The following RBFOX3 variants were observed in gnomAD, a reference collection of about 807,000 sequenced individuals.
RBFOX3 encodes the protein RNA binding protein fox-1 homolog 3.
Under a neutral mutation model 48.7 loss-of-function variants are expected in RBFOX3, and 17 were observed. That is an observed-to-expected ratio of 0.35 (90% confidence interval 0.24 to 0.52). The LOEUF is 0.52. Ranked by LOEUF, RBFOX3 falls within the 20% of genes least tolerant of loss-of-function variation. The pLI, the probability that RBFOX3 is intolerant of heterozygous loss-of-function variation, is 0.94. For synonymous variants in RBFOX3, 212 were observed against 209.5 expected (o/e 1.01, Z -0.10); for missense variants, 382 against 497.5 (o/e 0.77, Z 2.21).
chr17:79,376,669 G>C (rs73425308), intron 2 of RBFOX3, among the ~76,000 whole-genome samples: 1 of 152,144 alleles, frequency 6.6e-6, no homozygotes, highest in African/African-American at 2.4e-5. Flanking sequence ...AGCCAGGGCC[G>C]CACGGGGGCT....
intron 1 of RBFOX3, among the ~76,000 whole-genome samples, chr17:79,545,439 A>G (rs1480556038): frequency 6.6e-6 from 1 of 152,046 alleles, no homozygotes; most frequent in Non-Finnish European, 1.5e-5. Context: ...ACCGGCGACC[A>G]CCCCATGCCC....
chr17:79,101,225 C>G (rs908111468), intron 9 of RBFOX3, among the ~76,000 whole-genome samples: 3 of 152,200 alleles, frequency 2.0e-5, no homozygotes, highest in African/African-American at 7.2e-5. Flanking sequence ...AGCACAGAAG[C>G]CTTCAAACTC....
intron 2 of RBFOX3, among the ~76,000 whole-genome samples, chr17:79,344,001 A>G (rs1358285530): frequency 6.6e-6 from 1 of 152,196 alleles, no homozygotes; most frequent in African/African-American, 2.4e-5. Context: ...GAGAGATGCC[A>G]GGAAGATGCC....
chr17:79,340,985 G>A (rs972158929), intron 2 of RBFOX3, among the ~76,000 whole-genome samples: 2 of 152,246 alleles, frequency 1.3e-5, no homozygotes, highest in Admixed American at 6.5e-5. Flanking sequence ...ACACCTGCAA[G>A]TCAAGCTCTG....
chr17:79,555,886 G>C (rs2091717442), intron 1 of RBFOX3, among the ~76,000 whole-genome samples: 1 of 152,076 alleles, frequency 6.6e-6, no homozygotes, highest in South Asian at 2.1e-4. Flanking sequence ...GGTGGTGGTA[G>C]AAGGCAGTGG....
chr17:79,563,876 G>A (rs2092351786), intron 1 of RBFOX3, among the ~76,000 whole-genome samples: 1 of 152,192 alleles, frequency 6.6e-6, no homozygotes, highest in East Asian at 1.9e-4. Context: ...AGTTGAGGAA[G>A]TTCTCCCATG....
At chr17:79,655,655 T>C in the RBFOX3 span, among the ~76,000 whole-genome samples, 37,355 of 152,042 alleles carry the variant, frequency 0.25, 5,497 homozygotes, top group East Asian at 0.4. Context: ...TGTGTGAGAA[T>C]GAAGTACAGC....
At chr17:79,094,943 C>T (rs1049745129) in intron 13 of RBFOX3, among the ~76,000 whole-genome samples, 2 of 152,130 alleles carry the variant, frequency 1.3e-5, no homozygotes, top group African/African-American at 4.8e-5. Context: ...GGAACACTGC[C>T]CCCAAGAATG....
intron 1 of RBFOX3, among the ~76,000 whole-genome samples, chr17:79,486,196 C>T (rs2079569416): frequency 6.6e-6 from 1 of 152,144 alleles, no homozygotes; most frequent in Non-Finnish European, 1.5e-5. Flanking sequence ...TAGTTGGGGG[C>T]TGGGCTGGGC....
chr17:79,339,759 C>T (rs575682785), intron 2 of RBFOX3, among the ~76,000 whole-genome samples: 1 of 152,346 alleles, frequency 6.6e-6, no homozygotes, highest in South Asian at 2.1e-4. Context: ...CATTTTGGTC[C>T]TAACCTTAGA....
At chr17:79,213,707 G>A (rs991706020) in intron 4 of RBFOX3, among the ~76,000 whole-genome samples, 2 of 152,282 alleles carry the variant, frequency 1.3e-5, no homozygotes, top group Admixed American at 6.5e-5. Flanking sequence ...GTATCCACTC[G>A]GCACCGCCAA....
chr17:79,611,132 CT>C (rs1208056089), upstream of RBFOX3, among the ~76,000 whole-genome samples: 1 of 19,070 alleles, frequency 5.2e-5, no homozygotes, highest in Non-Finnish European at 1.5e-4. Flanking sequence ...CGCCCTCCTT[CT>C]CTCTCTCTCT....
intron 2 of RBFOX3, among the ~76,000 whole-genome samples, chr17:79,339,321 G>A (rs1321284463): frequency 6.6e-6 from 1 of 152,284 alleles, no homozygotes; most frequent in African/African-American, 2.4e-5. Context: ...CTCCCAAAGC[G>A]CTGGGGTTAC....
Position 79,132,199 on chromosome 17 carries a change from C to G in RBFOX3, c.-33-16451G>C, listed in dbSNP as rs545421167. 3.1e-4 allele frequency among the ~76,000 whole-genome samples: 44 copies of G among 142,940 alleles called. 1 individual carries two copies. The South Asian group carries it at 0.011, about 34-fold the overall frequency. 93.8% of individuals were successfully genotyped at this position (142,940 alleles called of 152,430 possible). On this transcript the variant is annotated intron_variant, in intron 4 of 14. Transcript: ENST00000693108. Reference sequence around the variant, plus strand: ...GGGTGAGGGGGCTTGAGGCTGCTGGCCAGCTGGGGCTGAGGTCAGACTCAG... The same window carrying G: ...GGGTGAGGGGGCTTGAGGCTGCTGGGCAGCTGGGGCTGAGGTCAGACTCAG...
intron 1 of RBFOX3, among the ~76,000 whole-genome samples, chr17:79,529,510 G>A (rs1201278409): frequency 2.6e-5 from 4 of 152,218 alleles, no homozygotes; most frequent in African/African-American, 4.8e-5. Context: ...AAGTGGGGGC[G>A]GGGTGGCTGG....
At chr17:79,524,764 G>T (rs991001028) in intron 1 of RBFOX3, among the ~76,000 whole-genome samples, 1 of 152,166 alleles carries the variant, frequency 6.6e-6, no homozygotes, top group African/African-American at 2.4e-5. Context: ...TGTAAATGGA[G>T]CCCTAGTTTG....
At chr17:79,210,150 G>A (rs534222131) in intron 4 of RBFOX3, among the ~76,000 whole-genome samples, 1 of 152,230 alleles carries the variant, frequency 6.6e-6, no homozygotes, top group Admixed American at 6.5e-5. Flanking sequence ...GTACCTGCCT[G>A]GGGGGAGGGA....
At chr17:79,279,479 G>A (rs1010244140) in intron 3 of RBFOX3, among the ~76,000 whole-genome samples, 7 of 152,302 alleles carry the variant, frequency 4.6e-5, no homozygotes, top group African/African-American at 1.4e-4. Context: ...GGCCCGGCCC[G>A]GCACGGTACG....
At chr17:79,149,161 A>G (rs1288180999) in intron 4 of RBFOX3, among the ~76,000 whole-genome samples, 1 of 152,176 alleles carries the variant, frequency 6.6e-6, no homozygotes, top group African/African-American at 2.4e-5. Flanking sequence ...CCTGCCAGGA[A>G]AATGCGACGT....
Sources: allele counts gnomAD v4.1 joint callset (sites outside exome capture counted in the v4.1 genomes callset), GRCh38; gene constraint gnomAD v4.1.1; transcripts MANE v1.5; gene names NCBI Gene and HGNC (gene_info 2026-07-23, HGNC 2026-07-21).